NEK1: variants seen among roughly 807,000 people sequenced by gnomAD.
NEK1 encodes the protein serine/threonine-protein kinase Nek1.
NEK1 carries 137 observed loss-of-function variants against 182.1 expected under a neutral mutation model. The ratio of observed to expected loss-of-function variants is 0.75; its 90% CI spans 0.65 to 0.87. The LOEUF (loss-of-function observed/expected upper bound fraction) is 0.87, where lower values mean the gene tolerates loss of function less well. Ranked by LOEUF, NEK1 falls within the 40% of genes least tolerant of loss-of-function variation. The probability of loss-of-function intolerance (pLI) is 0.00; values close to 1 mark genes in which losing one functional copy is unlikely to be tolerated. For missense variants in NEK1, 1,391 were observed against 1,494.4 expected (o/e 0.93, Z 1.14); for synonymous variants, 513 against 492.2 (o/e 1.04, Z -0.56).
intron 30 of NEK1, 78 bp downstream of exon 30, chr4:169,426,068 T>C: frequency 9.7e-7 from 1 of 1,027,422 alleles, no homozygotes; most frequent in Non-Finnish European, 1.5e-6. Flanking sequence ...ATTTATATAT[T>C]ACCCAAATAA....
At chr4:169,582,755 G>A (rs990574184) in intron 10 of NEK1, among the ~76,000 whole-genome samples, 4 of 152,186 alleles carry the variant, frequency 2.6e-5, no homozygotes, top group East Asian at 3.9e-4. Flanking sequence ...AGCCACATGC[G>A]CCTATTTGAA....
intron 28 of NEK1, among the ~76,000 whole-genome samples, 155 bp from the exon 29 acceptor site, chr4:169,433,820 A>G (rs1737878504): frequency 6.6e-6 from 1 of 152,242 alleles, no homozygotes; most frequent in South Asian, 2.1e-4. Context: ...TTTAACTCTT[A>G]TTGTGAAGTC....
At chr4:169,442,894 C>G (rs1739756698) in intron 27 of NEK1, among the ~76,000 whole-genome samples, 1 of 151,096 alleles carries the variant, frequency 6.6e-6, no homozygotes, top group South Asian at 2.1e-4. Flanking sequence ...AAAAGTAAGT[C>G]AGGTGTGGTG....
intron 31 of NEK1, among the ~76,000 whole-genome samples, chr4:169,411,653 G>T (rs1299288891): frequency 6.6e-6 from 1 of 152,070 alleles, no homozygotes; most frequent in Non-Finnish European, 1.5e-5. Context: ...CATTTTAACT[G>T]GCTGCAAATG....
At chr4:169,416,138 C>T (rs1251176010) in intron 31 of NEK1, among the ~76,000 whole-genome samples, 1 of 152,200 alleles carries the variant, frequency 6.6e-6, no homozygotes, top group Non-Finnish European at 1.5e-5. Context: ...ACCTCCTTCA[C>T]ATCTGAGTTA....
At chr4:169,423,603 A>G (rs1223080017) in intron 31 of NEK1, among the ~76,000 whole-genome samples, 1 of 152,228 alleles carries the variant, frequency 6.6e-6, no homozygotes, top group African/African-American at 2.4e-5. Flanking sequence ...ACACACAGAG[A>G]AATGGATGTA....
chr4:169,440,681 A>C (rs1739276876), intron 27 of NEK1, among the ~76,000 whole-genome samples: 2 of 152,308 alleles, frequency 1.3e-5, no homozygotes, highest in South Asian at 4.2e-4. Flanking sequence ...GCCAGGAGAA[A>C]CACCACAGAT....
intron 23 of NEK1, among the ~76,000 whole-genome samples, chr4:169,497,893 T>C (rs1751657036): frequency 6.6e-6 from 1 of 152,184 alleles, no homozygotes; most frequent in Admixed American, 6.5e-5. Flanking sequence ...TGATTTGGGG[T>C]GGAGAGTTCT....
chr4:169,565,070 T>TACAGGAAC (rs1763468770), intron 12 of NEK1, among the ~76,000 whole-genome samples: 1 of 152,208 alleles, frequency 6.6e-6, no homozygotes, highest in Non-Finnish European at 1.5e-5. Flanking sequence ...ACCTCTAATT[T>TACAGGAAC]TGGCTAGTTA....
At chr4:169,457,337 C>T (rs961667552) in intron 27 of NEK1, among the ~76,000 whole-genome samples, 2 of 151,850 alleles carry the variant, frequency 1.3e-5, no homozygotes, top group Non-Finnish European at 2.9e-5. Flanking sequence ...AATATATACA[C>T]CTACTATGTA....
intron 31 of NEK1, among the ~76,000 whole-genome samples, chr4:169,417,635 G>A (rs1055031065): frequency 6.6e-6 from 1 of 152,188 alleles, no homozygotes; most frequent in East Asian, 1.9e-4. Context: ...AGAAGGCCCA[G>A]GACATAGCCT....
intron 28 of NEK1, among the ~76,000 whole-genome samples, chr4:169,435,010 T>C (rs1418914775): frequency 6.6e-6 from 1 of 152,262 alleles, no homozygotes; most frequent in Non-Finnish European, 1.5e-5. Context: ...GCTTCCATAG[T>C]ATGCCTAACA....
Position 169,530,471 on chromosome 4 carries a change from G to A in NEK1, c.1665+7338C>T, listed in dbSNP as rs186068802. 7.5e-3 allele frequency among the ~76,000 whole-genome samples: 1,140 copies of A among 152,246 alleles called. 30 individuals carry two copies. The highest frequency in any genetic ancestry group is 0.053 in the Admixed American group (808 of 15,292). ...CACTTTATTACAAAATAGACTTTGT[G>A]TTAAATGATTTTGCCCAACTGTGGG... On this transcript the variant is annotated intron_variant, in intron 19 of 35. Coordinates refer to ENST00000507142, the MANE Select transcript of NEK1 (RefSeq NM_001199397.3).
chr4:169,588,804 G>A (rs975657281), intron 7 of NEK1, 69 bp from the exon 8 acceptor site: 2 of 961,856 alleles, frequency 2.1e-6, no homozygotes, highest in Admixed American at 2.0e-5. Context: ...GTTGTTTTTG[G>A]TCTACAGCAG....
chr4:169,534,252 G>C (rs1257750292), intron 19 of NEK1, among the ~76,000 whole-genome samples: 1 of 152,170 alleles, frequency 6.6e-6, no homozygotes, highest in Non-Finnish European at 1.5e-5. Flanking sequence ...CTGGACAACA[G>C]ACAGCACAGG....
At chr4:169,414,090 G>C (rs1419035459) in intron 31 of NEK1, among the ~76,000 whole-genome samples, 1 of 152,062 alleles carries the variant, frequency 6.6e-6, no homozygotes, top group Admixed American at 6.5e-5. Flanking sequence ...ACAGTATATA[G>C]AATACTATTC....
chr4:169,559,222 A>T (rs1202812556), intron 16 of NEK1, among the ~76,000 whole-genome samples: 1 of 152,202 alleles, frequency 6.6e-6, no homozygotes, highest in African/African-American at 2.4e-5. Context: ...ATTACACAAA[A>T]GGGAGAAGAA....
At chr4:169,437,291 C>T (rs1357075758) in intron 28 of NEK1, among the ~76,000 whole-genome samples, 1 of 152,102 alleles carries the variant, frequency 6.6e-6, no homozygotes, top group African/African-American at 2.4e-5. Context: ...GATGAGAAAA[C>T]CCATCTGCAC....
intron 27 of NEK1, among the ~76,000 whole-genome samples, chr4:169,456,893 G>A (rs1009575917): frequency 5.9e-5 from 9 of 152,160 alleles, no homozygotes; most frequent in Admixed American, 5.9e-4. Flanking sequence ...AAAAGAATGA[G>A]ATCCTGTCAG....
Sources: allele counts gnomAD v4.1 joint callset (sites outside exome capture counted in the v4.1 genomes callset), GRCh38; gene constraint gnomAD v4.1.1; transcripts MANE v1.5; gene names NCBI Gene and HGNC (gene_info 2026-07-23, HGNC 2026-07-21).